The following GALNT13 variants were observed in gnomAD, a reference collection of about 807,000 sequenced individuals.
The protein encoded by GALNT13 is polypeptide N-acetylgalactosaminyltransferase 13.
A neutral mutation model predicts 64.2 loss-of-function variants in GALNT13; 28 were observed. The ratio of observed to expected loss-of-function variants is 0.44; its 90% CI spans 0.32 to 0.60. GALNT13 has a LOEUF of 0.60. Among genes scored for constraint, GALNT13 ranks in the 20% least tolerant of loss-of-function variants. GALNT13 has a pLI of 0.05. For missense variants in GALNT13, 577 were observed against 669.8 expected (o/e 0.86, Z 1.53); for synonymous variants, 214 against 224.6 (o/e 0.95, Z 0.42).
chr2:153,359,715 TA>T, the GALNT13 span, among the ~76,000 whole-genome samples: 1 of 146,016 alleles, frequency 6.8e-6, no homozygotes, highest in Non-Finnish European at 1.5e-5. Context: ...AAGGATTAAT[TA>T]GAATAAAACT....
chr2:153,255,371 G>A, the GALNT13 span, among the ~76,000 whole-genome samples: 367 of 137,004 alleles, frequency 2.7e-3, 4 homozygotes, highest in African/African-American at 9.8e-3. Context: ...GTCTCTGCAC[G>A]TGAGATGGTT....
chr2:153,247,529 T>C, the GALNT13 span, among the ~76,000 whole-genome samples: 1 of 151,716 alleles, frequency 6.6e-6, no homozygotes, highest in Admixed American at 6.6e-5. Context: ...ATATTTCCAC[T>C]GAATGATAAA....
intron 4 of GALNT13, among the ~76,000 whole-genome samples, chr2:154,148,307 T>C (rs1683748688): frequency 6.6e-6 from 1 of 152,088 alleles, no homozygotes; most frequent in African/African-American, 2.4e-5. Flanking sequence ...TGCCACATTT[T>C]CTTAATCCAG....
At chr2:153,402,024 G>A in the GALNT13 span, among the ~76,000 whole-genome samples, 8 of 143,204 alleles carry the variant, frequency 5.6e-5, no homozygotes, top group Admixed American at 1.4e-4. Flanking sequence ...TCCTAGTCTC[G>A]ATGGTCTTTA....
the GALNT13 span, among the ~76,000 whole-genome samples, chr2:153,387,663 T>C: frequency 6.6e-6 from 1 of 152,228 alleles, no homozygotes; most frequent in South Asian, 2.1e-4. Context: ...TTTTTACTTA[T>C]AGGAATAAAA....
At chr2:154,175,361 C>T (rs1685588162) in intron 4 of GALNT13, among the ~76,000 whole-genome samples, 1 of 152,170 alleles carries the variant, frequency 6.6e-6, no homozygotes, top group Non-Finnish European at 1.5e-5. Context: ...CATAACAAGA[C>T]ACTTTCAATG....
chr2:153,841,415 A>G, the GALNT13 span, among the ~76,000 whole-genome samples: 1 of 152,206 alleles, frequency 6.6e-6, no homozygotes, highest in Non-Finnish European at 1.5e-5. Flanking sequence ...ATGGGTAGCT[A>G]ATATTGACTA....
At chr2:154,103,832 C>T (rs1006699191) in intron 3 of GALNT13, among the ~76,000 whole-genome samples, 1 of 152,124 alleles carries the variant, frequency 6.6e-6, no homozygotes, top group Admixed American at 6.6e-5. Context: ...AACCCACTCA[C>T]CTGCTGTGGG....
chr2:153,071,065 G>C, the GALNT13 span, among the ~76,000 whole-genome samples: 1 of 151,938 alleles, frequency 6.6e-6, no homozygotes, highest in Non-Finnish European at 1.5e-5. Context: ...AATTTTGCAG[G>C]GCTCAAGTCC....
the GALNT13 span, among the ~76,000 whole-genome samples, chr2:153,449,242 T>C: frequency 6.6e-6 from 1 of 152,144 alleles, no homozygotes; most frequent in South Asian, 2.1e-4. Flanking sequence ...ACCCAGTCTA[T>C]GGTATTTTTT....
intron 9 of GALNT13, among the ~76,000 whole-genome samples, chr2:154,393,940 T>A (rs970702227): frequency 2.4e-4 from 35 of 148,224 alleles, no homozygotes; most frequent in Admixed American, 6.7e-4. Flanking sequence ...TAGCCGGGCG[T>A]AGTGGCGGGC....
chr2:154,413,969 G>C (rs1212743291), intron 11 of GALNT13, among the ~76,000 whole-genome samples: 5 of 151,874 alleles, frequency 3.3e-5, no homozygotes, highest in Non-Finnish European at 7.4e-5. Context: ...ATCTCTAGAA[G>C]TACATTTGCT....
the GALNT13 span, among the ~76,000 whole-genome samples, chr2:153,308,453 C>T: frequency 6.6e-6 from 1 of 152,188 alleles, no homozygotes; most frequent in Non-Finnish European, 1.5e-5. Context: ...GAACCACCTT[C>T]TACTTCCATT....
the GALNT13 span, among the ~76,000 whole-genome samples, chr2:153,825,107 C>T: frequency 1.3e-5 from 2 of 152,110 alleles, no homozygotes; most frequent in Non-Finnish European, 2.9e-5. Flanking sequence ...CTAGGTATTG[C>T]TGTGAATTGC....
intron 11 of GALNT13, chr2:154,437,520 C>A: frequency 7.8e-7 from 1 of 1,277,850 alleles, no homozygotes; most frequent in South Asian, 1.3e-5. Context: ...CAATGCTTAT[C>A]GTAGTTAAAA....
chr2:153,397,871 C>T, the GALNT13 span, among the ~76,000 whole-genome samples: 1 of 152,222 alleles, frequency 6.6e-6, no homozygotes, highest in South Asian at 2.1e-4. Flanking sequence ...GAAATTTCCA[C>T]TGACTTACCT....
At chr2:153,562,297 C>T in the GALNT13 span, among the ~76,000 whole-genome samples, 1 of 151,868 alleles carries the variant, frequency 6.6e-6, no homozygotes, top group Non-Finnish European at 1.5e-5. Flanking sequence ...TACTATCAAC[C>T]ATCCTTATAA....
At chr2:153,444,672 T>C in the GALNT13 span, among the ~76,000 whole-genome samples, 2 of 152,248 alleles carry the variant, frequency 1.3e-5, no homozygotes, top group African/African-American at 4.8e-5. Flanking sequence ...CTTTTTGGCA[T>C]ATCATATAAA....
intron 4 of GALNT13, among the ~76,000 whole-genome samples, chr2:154,176,985 G>T (rs1200409858): frequency 2.0e-5 from 3 of 152,266 alleles, no homozygotes; most frequent in East Asian, 1.9e-4. Context: ...AGATTCATGA[G>T]ACCCCTCTCC....
Sources: allele counts gnomAD v4.1 joint callset (sites outside exome capture counted in the v4.1 genomes callset), GRCh38; gene constraint gnomAD v4.1.1; transcripts MANE v1.5; gene names NCBI Gene and HGNC (gene_info 2026-07-23, HGNC 2026-07-21).